ARHGEF38: variants seen among roughly 807,000 people sequenced by gnomAD.
The protein encoded by ARHGEF38 is Rho guanine nucleotide exchange factor 38.
A neutral mutation model predicts 79.9 loss-of-function variants in ARHGEF38; 79 were observed. That is an observed-to-expected ratio of 0.99 (90% CI 0.82 to 1.19). The LOEUF is 1.19. Among genes scored for constraint, ARHGEF38 ranks in the 50% most tolerant of loss-of-function variants. ARHGEF38 has a pLI of 0.00. For missense variants in ARHGEF38, 962 were observed against 907.2 expected, an observed-to-expected ratio of 1.06 and a Z score of -0.78; for synonymous variants, 366 against 328.3, an observed-to-expected ratio of 1.11 and a Z score of -1.24.
intron 3 of ARHGEF38, among the ~76,000 whole-genome samples, chr4:105,626,384 G>A (rs1457305310): frequency 6.6e-6 from 1 of 152,030 alleles, no homozygotes; most frequent in Admixed American, 6.6e-5. Context: ...ATTTGCATGT[G>A]CCAGCCCCTG....
At chr4:105,667,386 T>C (rs1244138930) in intron 12 of ARHGEF38, 58 bp from the exon 13 acceptor site, 1 of 1,533,238 alleles carries the variant, frequency 6.5e-7, no homozygotes, top group Non-Finnish European at 8.7e-7. Context: ...TGAGGGCACA[T>C]GTTTGGGAAG....
chr4:105,675,613 A>G (rs988219110), intron 13 of ARHGEF38, among the ~76,000 whole-genome samples: 2 of 152,208 alleles, frequency 1.3e-5, no homozygotes, highest in African/African-American at 4.8e-5. Flanking sequence ...TAATGTGGTC[A>G]ATGGAGAAAA....
At chr4:105,648,009 C>A (rs1386506896) in intron 6 of ARHGEF38, among the ~76,000 whole-genome samples, 1 of 151,490 alleles carries the variant, frequency 6.6e-6, no homozygotes, top group African/African-American at 2.4e-5. Flanking sequence ...CCTGCCTCAG[C>A]CTCCCAAGTA....
chr4:105,571,489 A>AT (rs887890805), intron 1 of ARHGEF38, among the ~76,000 whole-genome samples: 37 of 151,464 alleles, frequency 2.4e-4, no homozygotes, highest in African/African-American at 9.0e-4. Context: ...TGCCCAGCTA[A>AT]TTTTTTGTAT....
chr4:105,640,924 T>C (rs983411698), intron 5 of ARHGEF38, among the ~76,000 whole-genome samples: 1 of 152,266 alleles, frequency 6.6e-6, no homozygotes, highest in East Asian at 1.9e-4. Context: ...TTTTTGTCCT[T>C]AGCACTCTGA....
chr4:105,586,293 T>C (rs1727045245), intron 1 of ARHGEF38, among the ~76,000 whole-genome samples: 1 of 143,796 alleles, frequency 7.0e-6, no homozygotes. Flanking sequence ...AGTGAAGTTT[T>C]TGTTCCTACA....
At position 105,640,612 on chromosome 4, in the gene ARHGEF38, C is replaced by G. The variant is rs1729579582; in HGVS notation, c.674+4192C>G. On this transcript the variant is annotated intron_variant, in intron 5 of 13. Coordinates refer to ENST00000420470, the MANE Select transcript of ARHGEF38 (RefSeq NM_001242729.2). Reference sequence around the variant, plus strand: ...TCTTTGCTTCTTTCCTGTGTTGGTTCTAACTCATTTTGGTGGAGTACATCC... The same window carrying G: ...TCTTTGCTTCTTTCCTGTGTTGGTTGTAACTCATTTTGGTGGAGTACATCC... Among the ~76,000 whole-genome samples the G allele has an allele frequency of 2.0e-5, 3 of 152,140 alleles. No homozygotes were observed. The South Asian group carries it at 6.2e-4, about 32-fold the overall frequency.
intron 1 of ARHGEF38, among the ~76,000 whole-genome samples, chr4:105,580,707 G>A (rs1416837153): frequency 1.3e-5 from 2 of 152,078 alleles, no homozygotes; most frequent in Non-Finnish European, 1.5e-5. Context: ...TTTTTTGTTT[G>A]TGTCTTTGTT....
chr4:105,576,407 CTTTT>C (rs35502329), intron 1 of ARHGEF38, among the ~76,000 whole-genome samples: 3 of 128,356 alleles, frequency 2.3e-5, no homozygotes, highest in Non-Finnish European at 3.3e-5. Flanking sequence ...TTCTTTTCTT[CTTTT>C]TTTTTTTTTT....
chr4:105,557,255 T>C (rs1725294695), intron 1 of ARHGEF38, among the ~76,000 whole-genome samples: 1 of 152,118 alleles, frequency 6.6e-6, no homozygotes, highest in Non-Finnish European at 1.5e-5. Context: ...CTCCAGTATG[T>C]AGATATAGAT....
chr4:105,587,870 G>A lies in ARHGEF38; in HGVS notation c.197-1378G>A, dbSNP rs140765988. ...TTTCCTGATGAAGGAGGGATTGGTAGGCGATAAATGGTTCCAAACATACTC... is the reference window on the plus strand; with the variant it reads ...TTTCCTGATGAAGGAGGGATTGGTAAGCGATAAATGGTTCCAAACATACTC... On this transcript the variant is annotated intron_variant, in intron 1 of 13. Transcript: ENST00000420470. 3.3e-5 allele frequency among the ~76,000 whole-genome samples: 5 copies of A among 152,300 alleles called. No individual in the cohort carries two copies. The East Asian group carries it at 7.7e-4, about 23-fold the overall frequency.
At chr4:105,590,989 C>T (rs1727307509) in intron 2 of ARHGEF38, among the ~76,000 whole-genome samples, 1 of 151,626 alleles carries the variant, frequency 6.6e-6, no homozygotes, top group Non-Finnish European at 1.5e-5. Flanking sequence ...ATTCTTTTTC[C>T]ATCCCACATG....
intron 13 of ARHGEF38, 114 bp downstream of exon 13, chr4:105,667,817 AGAC>A: frequency 7.9e-7 from 1 of 1,263,326 alleles, no homozygotes; most frequent in Admixed American, 2.4e-5. Context: ...GACATCAAGG[AGAC>A]CTGGCTCTAT....
Position 105,659,202 on chromosome 4 carries a change from T to A in ARHGEF38, c.1382T>A (p.Leu461Ter), listed in dbSNP as rs1730462106. 1.3e-6 allele frequency: 2 copies of A among 1,536,004 alleles called. No individual in the cohort carries two copies. The highest frequency in any genetic ancestry group is 1.7e-6 in the Non-Finnish European group (2 of 1,146,886). The change falls in exon 10 of 14, where the codon TTG becomes TAG. Residue 461 changes from leucine to a stop codon, truncating the protein, a stop_gained. Coordinates refer to ENST00000420470, the MANE Select transcript of ARHGEF38 (RefSeq NM_001242729.2). LOFTEE classifies it high-confidence loss of function. ...LQRSTGEESD[L>*]AKKEYEALNA... ...CGATCAACGGGAGAGGAGTCAGACTTGGCCAAAAAGGAGTATGAGGCCCTC... is the reference window on the plus strand; with the variant it reads ...CGATCAACGGGAGAGGAGTCAGACTAGGCCAAAAAGGAGTATGAGGCCCTC...
intron 1 of ARHGEF38, chr4:105,561,520 G>GAAT (rs1725619332): frequency 6.7e-6 from 1 of 149,480 alleles, no homozygotes; most frequent in Admixed American, 6.7e-5. Flanking sequence ...GAATAGAATA[G>GAAT]AATAGAATAG....
At chr4:105,556,921 C>A (rs906227631) in intron 1 of ARHGEF38, among the ~76,000 whole-genome samples, 40 of 152,092 alleles carry the variant, frequency 2.6e-4, no homozygotes, top group African/African-American at 8.9e-4. Context: ...ATAAGTAATT[C>A]TTAGTGGAAG....
At chr4:105,601,562 C>T (rs763547401) in intron 2 of ARHGEF38, among the ~76,000 whole-genome samples, 5 of 152,096 alleles carry the variant, frequency 3.3e-5, no homozygotes, top group Non-Finnish European at 5.9e-5. Context: ...CCACTGGGAG[C>T]TTGGGGAGGC....
intron 9 of ARHGEF38, among the ~76,000 whole-genome samples, chr4:105,658,530 T>G (rs1730430251): frequency 6.6e-6 from 1 of 152,158 alleles, no homozygotes; most frequent in Admixed American, 6.5e-5. Context: ...AACATAAGCC[T>G]CCAGGGTAGC....
intron 1 of ARHGEF38, among the ~76,000 whole-genome samples, chr4:105,555,732 C>T (rs1303286701): frequency 6.6e-6 from 1 of 152,092 alleles, no homozygotes; most frequent in Non-Finnish European, 1.5e-5. Flanking sequence ...TCCTTCAATG[C>T]TATATTACCT....
Sources: allele counts gnomAD v4.1 joint callset (sites outside exome capture counted in the v4.1 genomes callset), GRCh38; gene constraint gnomAD v4.1.1; transcripts MANE v1.5; gene names NCBI Gene and HGNC (gene_info 2026-07-23, HGNC 2026-07-21).